CYFIP2: variants seen among roughly 807,000 people sequenced by gnomAD.
CYFIP2 encodes the protein cytoplasmic FMR1-interacting protein 2.
In CYFIP2, 29 loss-of-function variants were observed where a neutral mutation model predicts 158.7. The ratio of observed to expected loss-of-function variants is 0.18; its 90% CI spans 0.14 to 0.25. The LOEUF (loss-of-function observed/expected upper bound fraction) is 0.25. Ranked by LOEUF, CYFIP2 falls within the 10% of genes least tolerant of loss-of-function variation. CYFIP2 has a pLI of 1.00. For synonymous variants in CYFIP2, 585 were observed against 617.6 expected (o/e 0.95, Z 0.78); for missense variants, 852 against 1,639.5 (o/e 0.52, Z 8.29).
intron 26 of CYFIP2, among the ~76,000 whole-genome samples, chr5:157,371,996 T>C (rs1450774781): frequency 1.3e-5 from 2 of 152,196 alleles, no homozygotes; most frequent in Non-Finnish European, 1.5e-5. Context: ...CTTTTACTCA[T>C]TAACTCCTCC....
chr5:157,292,652 A>G (rs895445012), intron 3 of CYFIP2, among the ~76,000 whole-genome samples: 5 of 152,158 alleles, frequency 3.3e-5, no homozygotes, highest in Admixed American at 6.5e-5. Flanking sequence ...CATTCGAGTT[A>G]TTGGGCTATT....
chr5:157,339,941 C>T (rs1023269971), intron 22 of CYFIP2, among the ~76,000 whole-genome samples: 8 of 152,154 alleles, frequency 5.3e-5, no homozygotes, highest in Non-Finnish European at 8.8e-5. Flanking sequence ...AGGGCAGGAT[C>T]GTGCATTTTT....
At chr5:157,272,303 G>GC (rs1756170369) in intron 1 of CYFIP2, among the ~76,000 whole-genome samples, 1 of 152,220 alleles carries the variant, frequency 6.6e-6, no homozygotes, top group Non-Finnish European at 1.5e-5. Flanking sequence ...GAGGACAGGA[G>GC]CAGGGGACTG....
Position 157,319,758 on chromosome 5 carries a change from C to T in CYFIP2, c.1357-4C>T, listed in dbSNP as rs769379444. 2.5e-6 allele frequency: 4 copies of T among 1,613,896 alleles called. No individual in the cohort carries two copies. In the East Asian group the frequency reaches 6.7e-5, roughly 27 times the overall value. ...AACATGACCCTTGGCCTCTTCCTGC[C>T]CAGGTGATCGCCATGATCAAAGGCC... On this transcript the variant is annotated splice_region_variant and splice_polypyrimidine_tract_variant and intron_variant, in intron 13 of 30. Coordinates refer to ENST00000620254, the MANE Select transcript of CYFIP2 (RefSeq NM_001037333.3).
At chr5:157,375,671 G>C (rs957476449) in intron 26 of CYFIP2, 13 of 147,072 alleles carry the variant, frequency 8.8e-5, no homozygotes, top group African/African-American at 1.8e-4. Context: ...GCTGTTGTTA[G>C]TGTATTTTAT....
rs369062847 is a variant in CYFIP2 at position 157,300,861 on chromosome 5, G to A, written c.534G>A (p.Lys178=). Residue 178 remains lysine (K), a synonymous_variant, in exon 6 of 31, where the codon AAG becomes AAA. Transcript: ENST00000620254. ...TCCTGGATGAGCTAAAGAACATGAA[G>A]TGCAGCGTCAAGAATGACCACTCTG... ...FAVLDELKNM[K]CSVKNDHSAY... The A allele has an allele frequency of 1.7e-4, 274 of 1,607,502 alleles. No individual in the cohort carries two copies. The African/African-American group carries it at 2.8e-3, about 16-fold the overall frequency.
chr5:157,347,545 C>T (rs1581115524), intron 23 of CYFIP2, among the ~76,000 whole-genome samples: 1 of 152,118 alleles, frequency 6.6e-6, no homozygotes, highest in South Asian at 2.1e-4. Context: ...ATGGTGAGTC[C>T]CCACGGAGCA....
Position 157,339,096 on chromosome 5 carries a change from C to G in CYFIP2, c.2425C>G (p.Arg809Gly), listed in dbSNP as rs780950093. The change falls in exon 22 of 31, where the codon CGG becomes GGG. Residue 809 changes from arginine to glycine, a missense_variant. By Grantham distance (125) the Arg-to-Gly change is moderately radical. This residue lies in a region of CYFIP2 where 191 missense variants were observed against 311.2 expected (regional missense o/e 0.61). Coordinates refer to ENST00000620254, the MANE Select transcript of CYFIP2 (RefSeq NM_001037333.3). Reference sequence around the variant, plus strand: ...GCTGGAGATTAACCGGCTCACGCATCGGCTGCTCTGTAAGCATATGACGCT... The same window carrying G: ...GCTGGAGATTAACCGGCTCACGCATGGGCTGCTCTGTAAGCATATGACGCT... ...WLLEINRLTHRLLCKHMTLDS... is the reference protein window; with the variant it reads ...WLLEINRLTHGLLCKHMTLDS... The G allele has an allele frequency of 1.2e-6, 2 of 1,613,286 alleles. No individual in the cohort carries two copies. Among genetic ancestry groups the G allele is most frequent in the Non-Finnish European group, 8.5e-7 (1 of 1,179,688 alleles).
intron 6 of CYFIP2, among the ~76,000 whole-genome samples, chr5:157,302,542 A>G (rs1428666972): frequency 6.6e-6 from 1 of 152,116 alleles, no homozygotes; most frequent in Non-Finnish European, 1.5e-5. Context: ...ACTTTCTGAG[A>G]TTTCAGAGAT....
intron 3 of CYFIP2, among the ~76,000 whole-genome samples, chr5:157,293,032 ATG>A (rs1757956848): frequency 6.6e-6 from 1 of 151,648 alleles, no homozygotes; most frequent in African/African-American, 2.4e-5. Context: ...GTATGTATGT[ATG>A]TATGTATGTA....
At chr5:157,310,334 G>T (rs922860664) in intron 10 of CYFIP2, among the ~76,000 whole-genome samples, 1 of 152,188 alleles carries the variant, frequency 6.6e-6, no homozygotes, top group African/African-American at 2.4e-5. Context: ...AAGTTGGGGG[G>T]CTCCAACCTC....
intron 26 of CYFIP2, among the ~76,000 whole-genome samples, chr5:157,380,378 A>C (rs1315234900): frequency 2.0e-5 from 3 of 152,236 alleles, no homozygotes; most frequent in Non-Finnish European, 4.4e-5. Flanking sequence ...ACAAACCATG[A>C]ACTGAATTCA....
At chr5:157,355,794 A>G (rs1763369555) in intron 23 of CYFIP2, among the ~76,000 whole-genome samples, 1 of 152,204 alleles carries the variant, frequency 6.6e-6, no homozygotes, top group South Asian at 2.1e-4. Flanking sequence ...GGAGAAGCCT[A>G]GAGTCCCTGG....
intron 8 of CYFIP2, among the ~76,000 whole-genome samples, chr5:157,306,750 C>T (rs1240550211): frequency 2.6e-5 from 4 of 151,972 alleles, no homozygotes; most frequent in African/African-American, 4.8e-5. Flanking sequence ...GGGGTGGTGG[C>T]GTGCACCTGT....
chr5:157,307,841 T>C lies in CYFIP2; in HGVS notation c.876T>C (p.Leu292=), dbSNP rs769718065. The change falls in exon 9 of 31, where the codon CTT becomes CTC. Residue 292 remains leucine (L), a synonymous_variant. Coordinates refer to ENST00000620254, the MANE Select transcript of CYFIP2 (RefSeq NM_001037333.3). ...YKLDAKKRIN[L]SKIDKFFKQL... is the part of the protein sequence containing the mutation. ...TGGATGCCAAGAAGAGAATTAATCT[T>C]AGCAAAATTGATAAATTCTTTAAGG... 4 of 1,606,336 alleles carry C rather than the reference T, an allele frequency of 2.5e-6. No homozygotes were observed. The South Asian group carries it at 3.3e-5, about 13-fold the overall frequency.
Position 157,393,447 on chromosome 5 carries a change from G to A in CYFIP2, c.*447G>A, listed in dbSNP as rs62387481. On this transcript the variant is annotated 3_prime_UTR_variant, in exon 31 of 31. Transcript: ENST00000620254. ...ATGCCCAGAGACGCCAGCCTGGCCAGAAGGGCATGCCTCAGCTTACTACTT... is the reference window on the plus strand; with the variant it reads ...ATGCCCAGAGACGCCAGCCTGGCCAAAAGGGCATGCCTCAGCTTACTACTT... 5.7e-3 allele frequency: 884 copies of A among 154,328 alleles called. 2 individuals carry two copies. The highest frequency in any genetic ancestry group is 7.8e-3 in the Non-Finnish European group (541 of 69,540). 9.6% of individuals were successfully genotyped at this position (154,328 alleles called of 1,614,324 possible). A position where few individuals can be genotyped will look rare whatever the true frequency, so the allele number is the denominator to read the frequency against.
intron 23 of CYFIP2, among the ~76,000 whole-genome samples, chr5:157,355,759 T>A (rs1763368004): frequency 6.6e-6 from 1 of 152,238 alleles, no homozygotes; most frequent in African/African-American, 2.4e-5. Flanking sequence ...AACGAGAATG[T>A]GCTGAGAGCT....
intron 23 of CYFIP2, among the ~76,000 whole-genome samples, chr5:157,348,776 A>G (rs559804480): frequency 9.7e-4 from 147 of 152,132 alleles, no homozygotes; most frequent in African/African-American, 3.3e-3. Context: ...CGGCTTTCCC[A>G]TGGCATTCAG....
At chr5:157,300,265 G>T (rs970550700) in intron 5 of CYFIP2, among the ~76,000 whole-genome samples, 2 of 152,150 alleles carry the variant, frequency 1.3e-5, no homozygotes, top group African/African-American at 4.8e-5. Context: ...AGGTATGGTG[G>T]CTCATGCCTG....
Sources: gnomAD v4.1 joint callset for allele counts (sites outside exome capture counted in the v4.1 genomes callset) on GRCh38, gnomAD v4.1.1 for gene constraint, gnomAD v4.1.1 regional missense constraint, MANE v1.5 for transcripts, NCBI Gene and HGNC (gene_info 2026-07-23, HGNC 2026-07-21) for gene names.